Variants in DAB1 observed in about 807,000 individuals in gnomAD.
The protein encoded by DAB1 is disabled homolog 1.
DAB1 carries 15 observed loss-of-function variants against 64.6 expected under a neutral mutation model. The ratio of observed to expected loss-of-function variants is 0.23; its 90% confidence interval spans 0.16 to 0.36. The LOEUF is 0.36. Ranked by LOEUF, DAB1 falls within the 10% of genes least tolerant of loss-of-function variation. The pLI is 1.00. For missense variants in DAB1, 596 were observed against 706.7 expected, an observed-to-expected ratio of 0.84 and a Z score of 1.78; for synonymous variants, 235 against 251.9, an observed-to-expected ratio of 0.93 and a Z score of 0.64.
chr1:58,458,511 T>C (rs1483068726), intron 3 of DAB1, among the ~76,000 whole-genome samples: 2 of 152,218 alleles, frequency 1.3e-5, no homozygotes, highest in East Asian at 1.9e-4. Flanking sequence ...GTTAAAAGAA[T>C]ATGTTTTGCA....
intron 3 of DAB1, among the ~76,000 whole-genome samples, chr1:58,374,468 T>G (rs1008930573): frequency 2.0e-5 from 3 of 151,742 alleles, no homozygotes; most frequent in African/African-American, 7.3e-5. Flanking sequence ...TTTCTCAGGT[T>G]TGTCAAAGAT....
chr1:57,043,659 C>T (rs562664991), intron 9 of DAB1, among the ~76,000 whole-genome samples: 1 of 152,136 alleles, frequency 6.6e-6, no homozygotes, highest in Non-Finnish European at 1.5e-5. Flanking sequence ...CCAGCCTGGC[C>T]AACATGGTGA....
chr1:57,249,917 A>G (rs1669196576), intron 2 of DAB1, among the ~76,000 whole-genome samples: 1 of 152,186 alleles, frequency 6.6e-6, no homozygotes, highest in African/African-American at 2.4e-5. Context: ...TATTGCTTGC[A>G]TTAATTTTAT....
chr1:58,481,253 G>A (rs1441654680), intron 3 of DAB1: 2 of 493,648 alleles, frequency 4.1e-6, no homozygotes, highest in East Asian at 3.3e-5. Context: ...TCCCTAATAT[G>A]CTCCATGTAA....
At chr1:57,427,508 A>G (rs1312181138), upstream of DAB1, among the ~76,000 whole-genome samples, 2 of 152,178 alleles carry the variant, frequency 1.3e-5, no homozygotes, top group Admixed American at 1.3e-4. Flanking sequence ...CTATCATGGA[A>G]ATCAAAATCA....
In DAB1 at chr1:57,220,823, G is replaced by A. The variant is rs188312394; in HGVS notation, c.67+70141C>T. Among the ~76,000 whole-genome samples, 9 of 152,336 alleles carry A rather than the reference G, an allele frequency of 5.9e-5. No individual in the cohort carries two copies. The South Asian group carries it at 6.2e-4, about 11-fold the overall frequency. ...GGGACTGTAAACTGGTTCAACCATC[G>A]TGGAAGACAGTGTGGCGATTCCTCA... On this transcript the variant is annotated intron_variant, in intron 2 of 14. Transcript: ENST00000371236.
intron 5 of DAB1, among the ~76,000 whole-genome samples, chr1:58,045,126 G>A (rs1570271512): frequency 6.6e-6 from 1 of 152,136 alleles, no homozygotes; most frequent in African/African-American, 2.4e-5. Context: ...TTGCATTGTT[G>A]TTAGGAGCAG....
intron 9 of DAB1, among the ~76,000 whole-genome samples, chr1:57,043,949 G>C (rs1165742975): frequency 6.6e-6 from 1 of 152,068 alleles, no homozygotes; most frequent in Non-Finnish European, 1.5e-5. Context: ...GGTGTCAACT[G>C]TTCTGAACTT....
At chr1:57,020,232 AG>A (rs1646569723) in intron 11 of DAB1, among the ~76,000 whole-genome samples, 1 of 152,226 alleles carries the variant, frequency 6.6e-6, no homozygotes, top group Non-Finnish European at 1.5e-5. Flanking sequence ...CAACTCCATG[AG>A]GGAAAGATTT....
chr1:57,639,293 C>T lies in DAB1; in HGVS notation n.625+10299G>A, dbSNP rs548485643. On this transcript the variant is annotated intron_variant and non_coding_transcript_variant, in intron 7 of 20. Coordinates refer to the DAB1 transcript ENST00000485760. ...ACTTTATAAAGTTCTTTATAAAGAA[C>T]TTTAGTAAATAACTTTATAAAGTTC... Among the ~76,000 whole-genome samples the T allele has an allele frequency of 1.6e-3, 241 of 147,112 alleles. 3 individuals carry two copies. Among genetic ancestry groups the T allele is most frequent in the Middle Eastern group, 0.011 (3 of 282 alleles).
intron 4 of DAB1, among the ~76,000 whole-genome samples, chr1:58,196,000 C>T (rs1034705729): frequency 5.3e-5 from 8 of 152,134 alleles, no homozygotes; most frequent in Non-Finnish European, 1.2e-4. Flanking sequence ...TTATTCTCTC[C>T]AGCCCCTAAA....
chr1:58,309,782 C>T (rs902028651), intron 4 of DAB1, among the ~76,000 whole-genome samples: 2 of 152,060 alleles, frequency 1.3e-5, no homozygotes, highest in Non-Finnish European at 1.5e-5. Context: ...ATGCTCTAAG[C>T]ATTTTCAGAG....
chr1:58,421,208 C>T (rs1644768325), intron 3 of DAB1, among the ~76,000 whole-genome samples: 1 of 152,180 alleles, frequency 6.6e-6, no homozygotes. Context: ...TGGATGGTGG[C>T]AGCAAGGCTG....
At chr1:57,226,624 C>A (rs1207304375) in intron 2 of DAB1, among the ~76,000 whole-genome samples, 5 of 146,586 alleles carry the variant, frequency 3.4e-5, no homozygotes, top group African/African-American at 1.0e-4. Context: ...AGAGTGAGCC[C>A]TTCAAAAAGC....
At chr1:58,093,540 T>C (rs934952254) in intron 5 of DAB1, among the ~76,000 whole-genome samples, 2 of 152,004 alleles carry the variant, frequency 1.3e-5, no homozygotes, top group African/African-American at 4.8e-5. Context: ...TATGAGAATC[T>C]AATGTCTGAT....
At chr1:57,293,687 T>C (rs994042123) in intron 1 of DAB1, among the ~76,000 whole-genome samples, 3 of 152,192 alleles carry the variant, frequency 2.0e-5, no homozygotes, top group African/African-American at 7.2e-5. Context: ...TGGTATCATG[T>C]TGGTCTTGGA....
rs539165848 is a variant in DAB1 at position 57,192,543 on chromosome 1, C to T, written c.68-47114G>A. Among the ~76,000 whole-genome samples, 4 of 152,280 alleles carry T rather than the reference C, an allele frequency of 2.6e-5. No individual in the cohort carries two copies. In the South Asian group the frequency reaches 8.3e-4, roughly 32 times the overall value. On this transcript the variant is annotated intron_variant, in intron 2 of 14. Coordinates refer to ENST00000371236, the MANE Select transcript of DAB1 (RefSeq NM_001365792.1). ...CTGTAAGGGTTCAGTCAAGGGTGAA[C>T]TGCTGTTACCATAACCATCACCATC...
At chr1:57,285,694 G>A (rs1672259192) in intron 2 of DAB1, among the ~76,000 whole-genome samples, 1 of 152,200 alleles carries the variant, frequency 6.6e-6, no homozygotes, top group Non-Finnish European at 1.5e-5. Flanking sequence ...TGGTTACACA[G>A]CACATAAAGA....
At chr1:57,144,327 A>T (rs1205361466) in intron 3 of DAB1, among the ~76,000 whole-genome samples, 1 of 152,146 alleles carries the variant, frequency 6.6e-6, no homozygotes, top group Non-Finnish European at 1.5e-5. Flanking sequence ...TGGACATCAG[A>T]ATCTGAGAAA....
Sources: gnomAD v4.1 joint callset for allele counts (sites outside exome capture counted in the v4.1 genomes callset) on GRCh38, gnomAD v4.1.1 for gene constraint, MANE v1.5 for transcripts, NCBI Gene and HGNC (gene_info 2026-07-23, HGNC 2026-07-21) for gene names.